LMBRD2: variants seen among roughly 807,000 people sequenced by gnomAD.
LMBRD2 encodes G protein-coupled receptor-associated protein LMBRD2.
Under a neutral mutation model 94.4 loss-of-function variants are expected in LMBRD2, and 55 were observed. The ratio of observed to expected loss-of-function variants is 0.58; its 90% CI spans 0.47 to 0.73. LMBRD2 has a LOEUF of 0.73. Ranked by LOEUF, LMBRD2 falls within the 30% of genes least tolerant of loss-of-function variation. LMBRD2 has a pLI of 0.00. For missense variants in LMBRD2, 640 were observed against 831.9 expected (o/e 0.77, Z 2.84); for synonymous variants, 246 against 272.4 (o/e 0.90, Z 0.95).
At chr5:36,116,729 T>C in intron 10 of LMBRD2, 136 bp from the exon 11 acceptor site, 3 of 761,320 alleles carry the variant, frequency 3.9e-6, no homozygotes, top group Non-Finnish European at 4.1e-6. Flanking sequence ...CAGGCTGGAG[T>C]GCAGTGGCGC....
intron 6 of LMBRD2, among the ~76,000 whole-genome samples, chr5:36,132,273 C>A (rs1439447522): frequency 6.6e-6 from 1 of 151,978 alleles, no homozygotes; most frequent in East Asian, 1.9e-4. Context: ...AAGAATGAAA[C>A]TAGACCAGTT....
Position 36,103,272 on chromosome 5 carries a change from T to G in LMBRD2, c.*774A>C, listed in dbSNP as rs1743383806. 6.6e-6 allele frequency: 1 copy of G among 152,208 alleles called. No homozygotes were observed. Among genetic ancestry groups the G allele is most frequent in the Non-Finnish European group, 1.5e-5 (1 of 67,756 alleles). The allele number at this position is 152,208 out of a possible 1,614,324, so 9.4% of individuals were successfully genotyped here. ...TATCCTTGAATATCATAATCAACATTTAAATCAATATGTTAAATGATAAAT... is the reference window on the plus strand; with the variant it reads ...TATCCTTGAATATCATAATCAACATGTAAATCAATATGTTAAATGATAAAT... On this transcript the variant is annotated 3_prime_UTR_variant, in exon 18 of 18. Coordinates refer to ENST00000296603, the MANE Select transcript of LMBRD2 (RefSeq NM_001007527.2).
At chr5:36,113,323 G>A (rs1039210570) in intron 13 of LMBRD2, among the ~76,000 whole-genome samples, 6 of 151,924 alleles carry the variant, frequency 3.9e-5, no homozygotes, top group African/African-American at 4.8e-5. Context: ...ACCCTCTCAC[G>A]AGGACCCCCT....
chr5:36,149,174 C>T (rs1465532278), intron 1 of LMBRD2, among the ~76,000 whole-genome samples: 1 of 152,104 alleles, frequency 6.6e-6, no homozygotes, highest in Non-Finnish European at 1.5e-5. Context: ...ATATGGTGAG[C>T]TCTGTTCAAG....
intron 7 of LMBRD2, among the ~76,000 whole-genome samples, chr5:36,123,881 A>C (rs1743944942): frequency 1.3e-5 from 2 of 151,826 alleles, no homozygotes; most frequent in African/African-American, 2.4e-5. Flanking sequence ...TTATTTTCTT[A>C]TAGGAGATAT....
intron 13 of LMBRD2, among the ~76,000 whole-genome samples, chr5:36,113,525 G>A (rs989452028): frequency 6.6e-6 from 1 of 151,954 alleles, no homozygotes; most frequent in Non-Finnish European, 1.5e-5. Context: ...TTACTTATAA[G>A]AAAGTAAAAT....
At chr5:36,149,333 A>G (rs1429539744) in intron 1 of LMBRD2, among the ~76,000 whole-genome samples, 1 of 152,238 alleles carries the variant, frequency 6.6e-6, no homozygotes, top group Admixed American at 6.5e-5. Context: ...AGTTCTGGAA[A>G]TACATTATTC....
Position 36,102,654 on chromosome 5 carries a change from C to A in LMBRD2, c.*1392G>T, listed in dbSNP as rs889160305. The stretch of plus-strand genomic sequence containing the variant: ...GAGCTGTGTTTTAAAAAAAAACTTA[C>A]ATGATAATATTTATTAAAAATAAAA... On this transcript the variant is annotated 3_prime_UTR_variant, in exon 18 of 18. Transcript: ENST00000296603. The A allele has an allele frequency of 6.6e-6, 1 of 151,488 alleles. No homozygotes were observed. Among genetic ancestry groups the A allele is most frequent in the Non-Finnish European group, 1.5e-5 (1 of 67,698 alleles). The allele number at this position is 151,488 out of a possible 1,614,324, so 9.4% of individuals were successfully genotyped here.
intron 6 of LMBRD2, among the ~76,000 whole-genome samples, chr5:36,127,685 G>A (rs1744038371): frequency 6.6e-6 from 1 of 152,200 alleles, no homozygotes. Context: ...TCCTCTGCTT[G>A]TGAAAAGGGG....
At position 36,122,240 on chromosome 5, in the gene LMBRD2, T is replaced by A. The variant is rs2111872539; in HGVS notation, c.1120+40A>T. The A allele has an allele frequency of 2.7e-6, 4 of 1,455,794 alleles. No individual in the cohort carries two copies. In the East Asian group the frequency reaches 9.3e-5, roughly 34 times the overall value. The allele number at this position is 1,455,794 out of a possible 1,614,324, so 90.2% of individuals were successfully genotyped here. A position where few individuals can be genotyped will look rare whatever the true frequency, so the allele number is the denominator to read the frequency against. ...ACATAACTTCTTTCTACAGAAAACT[T>A]TTCATCATTAAAGTTTGAAATTTAT... is the stretch of plus-strand genomic sequence containing the variant. On this transcript the variant is annotated intron_variant, in intron 9 of 17. Transcript: ENST00000296603.
intron 6 of LMBRD2, among the ~76,000 whole-genome samples, chr5:36,128,817 C>G (rs1456602749): frequency 6.6e-6 from 1 of 152,194 alleles, no homozygotes; most frequent in African/African-American, 2.4e-5. Context: ...TTCAAAATAG[C>G]TGTTTCAAGG....
Position 36,102,054 on chromosome 5 carries a change from A to G in LMBRD2, c.*1992T>C, listed in dbSNP as rs1743356176. 6.6e-6 allele frequency: 1 copy of G among 151,982 alleles called. No individual in the cohort carries two copies. Among genetic ancestry groups the G allele is most frequent in the Non-Finnish European group, 1.5e-5 (1 of 67,866 alleles). The allele number at this position is 151,982 out of a possible 1,614,324, so 9.4% of individuals were successfully genotyped here. A position where few individuals can be genotyped will look rare whatever the true frequency, so the allele number is the denominator to read the frequency against. ...TCCAAAGTAAACCCAAAGACTAAAT[A>G]AAACAACACTACTTTCACAGGACTT... is the stretch of plus-strand genomic sequence containing the variant. On this transcript the variant is annotated 3_prime_UTR_variant, in exon 18 of 18. Transcript: ENST00000296603.
At chr5:36,116,339 T>C in intron 11 of LMBRD2, 121 bp downstream of exon 11, 1 of 900,214 alleles carries the variant, frequency 1.1e-6, no homozygotes. Flanking sequence ...TTGAAACTAA[T>C]CAATTAGCTG....
intron 3 of LMBRD2, 101 bp downstream of exon 3, chr5:36,142,401 G>A (rs1037385961): frequency 6.8e-5 from 42 of 616,436 alleles, no homozygotes; most frequent in Non-Finnish European, 1.1e-4. Context: ...AGAGAATGAG[G>A]ATAACTTACA....
intron 1 of LMBRD2, among the ~76,000 whole-genome samples, chr5:36,143,984 C>T (rs1271141538): frequency 6.6e-6 from 1 of 151,912 alleles, no homozygotes; most frequent in Non-Finnish European, 1.5e-5. Context: ...TTACTCACTG[C>T]TTTACAAAAT....
chr5:36,106,985 T>G (rs184607331), intron 16 of LMBRD2, among the ~76,000 whole-genome samples: 3 of 152,248 alleles, frequency 2.0e-5, no homozygotes, highest in South Asian at 2.1e-4. Context: ...CTAGGTACTA[T>G]TCCTTCTTAA....
intron 6 of LMBRD2, 97 bp downstream of exon 6, chr5:36,136,212 C>G (rs1307442679): frequency 2.7e-6 from 3 of 1,110,434 alleles, no homozygotes; most frequent in Non-Finnish European, 1.4e-6. Flanking sequence ...CAGTCTGAAG[C>G]CCATCAATGC....
intron 5 of LMBRD2, among the ~76,000 whole-genome samples, chr5:36,136,977 GTTATT>G (rs1744286403): frequency 6.6e-6 from 1 of 151,798 alleles, no homozygotes; most frequent in South Asian, 2.1e-4. Context: ...AATAAAACCA[GTTATT>G]TTATCATAAA....
intron 1 of LMBRD2, among the ~76,000 whole-genome samples, chr5:36,145,714 A>G (rs576787295): frequency 7.2e-5 from 11 of 152,374 alleles, no homozygotes; most frequent in Admixed American, 6.5e-4. Flanking sequence ...GAAATTGTCC[A>G]GTGCAAGGAA....
Sources: gnomAD v4.1 joint callset for allele counts (sites outside exome capture counted in the v4.1 genomes callset) on GRCh38, gnomAD v4.1.1 for gene constraint, MANE v1.5 for transcripts, NCBI Gene and HGNC (gene_info 2026-07-23, HGNC 2026-07-21) for gene names.